RAP1A: variants seen among roughly 807,000 people sequenced by gnomAD.
The protein encoded by RAP1A is RAP1A, member of RAS oncogene family, also known as ras-related protein Rap-1A.
A neutral mutation model predicts 26.4 loss-of-function variants in RAP1A; 6 were observed. The ratio of observed to expected loss-of-function variants is 0.23; its 90% CI spans 0.12 to 0.45. The LOEUF (loss-of-function observed/expected upper bound fraction) is 0.45, where lower values mean the gene tolerates loss of function less well. Ranked by LOEUF, RAP1A falls within the 20% of genes least tolerant of loss-of-function variation. RAP1A has a pLI of 0.99. For synonymous variants in RAP1A, 73 were observed against 79.4 expected (o/e 0.92, Z 0.43); for missense variants, 121 against 217.2 (o/e 0.56, Z 2.78).
intron 1 of RAP1A, among the ~76,000 whole-genome samples, chr1:111,562,175 T>G (rs1657767628): frequency 6.6e-6 from 1 of 152,176 alleles, no homozygotes; most frequent in Non-Finnish European, 1.5e-5. Flanking sequence ...TTAGCTATTC[T>G]TCAGATACGC....
intron 4 of RAP1A, among the ~76,000 whole-genome samples, chr1:111,700,651 C>T (rs1661991934): frequency 6.6e-6 from 1 of 152,166 alleles, no homozygotes; most frequent in Non-Finnish European, 1.5e-5. Context: ...CTAACTGCCT[C>T]TTCAATATCT....
chr1:111,632,638 T>A (rs559155327), intron 1 of RAP1A, among the ~76,000 whole-genome samples: 1 of 151,800 alleles, frequency 6.6e-6, no homozygotes, highest in African/African-American at 2.4e-5. Context: ...TACGGCCAGG[T>A]GTGGTGGCTC....
intron 1 of RAP1A, among the ~76,000 whole-genome samples, chr1:111,654,854 A>G (rs542716439): frequency 2.0e-5 from 3 of 151,190 alleles, no homozygotes; most frequent in Non-Finnish European, 4.4e-5. Context: ...ACATAAAATT[A>G]TTAGCCTTCT....
chr1:111,577,401 CAAAAAAAAAA>C (rs56156855), intron 1 of RAP1A, among the ~76,000 whole-genome samples: 3 of 29,040 alleles, frequency 1.0e-4, no homozygotes, highest in Admixed American at 6.2e-4. Context: ...GACTCCATCG[CAAAAAAAAAA>C]AAAAAAAAAA....
chr1:111,696,296 T>A (rs888496203), intron 3 of RAP1A, among the ~76,000 whole-genome samples: 4 of 152,208 alleles, frequency 2.6e-5, no homozygotes, highest in African/African-American at 9.7e-5. Flanking sequence ...TGAAGACATT[T>A]TTAGAATTTA....
intron 5 of RAP1A, among the ~76,000 whole-genome samples, chr1:111,703,677 T>C (rs1040120927): frequency 1.2e-4 from 18 of 152,270 alleles, no homozygotes; most frequent in African/African-American, 4.1e-4. Context: ...TGAGGACATA[T>C]GTGATAAAGT....
chr1:111,670,732 A>G (rs1428917993), intron 1 of RAP1A, among the ~76,000 whole-genome samples: 5 of 152,206 alleles, frequency 3.3e-5, no homozygotes, highest in African/African-American at 1.2e-4. Context: ...ATCCGAATGA[A>G]AAAGGAGATA....
chr1:111,693,897 CTT>C (rs11431985), intron 2 of RAP1A, among the ~76,000 whole-genome samples: 1 of 145,542 alleles, frequency 6.9e-6, no homozygotes. Flanking sequence ...ATTAGACTGC[CTT>C]TTTTTTTTTT....
At chr1:111,557,837 T>C (rs1657564783) in intron 1 of RAP1A, among the ~76,000 whole-genome samples, 1 of 152,156 alleles carries the variant, frequency 6.6e-6, no homozygotes, top group Non-Finnish European at 1.5e-5. Flanking sequence ...AGTGACAGCA[T>C]AAAAATTGGG....
At chr1:111,569,814 C>CT (rs1658012185) in intron 1 of RAP1A, among the ~76,000 whole-genome samples, 1 of 152,050 alleles carries the variant, frequency 6.6e-6, no homozygotes, top group Non-Finnish European at 1.5e-5. Flanking sequence ...ATTAGAATCT[C>CT]CCACTTTTTA....
chr1:111,590,699 G>A (rs1044872169), intron 1 of RAP1A, among the ~76,000 whole-genome samples: 1 of 151,920 alleles, frequency 6.6e-6, no homozygotes, highest in African/African-American at 2.4e-5. Context: ...GGGATTACAG[G>A]TGTGAGCCAC....
intron 1 of RAP1A, among the ~76,000 whole-genome samples, chr1:111,575,948 A>G (rs553701817): frequency 6.6e-6 from 1 of 152,332 alleles, no homozygotes; most frequent in Admixed American, 6.5e-5. Flanking sequence ...AAAAATATAT[A>G]ATACACACAA....
At chr1:111,663,554 T>G (rs189063051) in intron 1 of RAP1A, among the ~76,000 whole-genome samples, 137 of 152,354 alleles carry the variant, frequency 9.0e-4, no homozygotes, top group African/African-American at 3.1e-3. Flanking sequence ...TAATTTGGTG[T>G]TCACAGCAAC....
chr1:111,567,375 C>T (rs1314413359), intron 1 of RAP1A, among the ~76,000 whole-genome samples: 1 of 152,174 alleles, frequency 6.6e-6, no homozygotes, highest in Non-Finnish European at 1.5e-5. Flanking sequence ...AAGCTGGAAA[C>T]TTTGTCAGCT....
intron 1 of RAP1A, among the ~76,000 whole-genome samples, chr1:111,566,677 A>C (rs1160998894): frequency 1.3e-5 from 2 of 152,160 alleles, no homozygotes; most frequent in African/African-American, 2.4e-5. Context: ...CTTTGATCAG[A>C]TGATGGTTAA....
intron 7 of RAP1A, among the ~76,000 whole-genome samples, chr1:111,710,280 A>T (rs1433794321): frequency 6.6e-6 from 1 of 152,138 alleles, no homozygotes; most frequent in South Asian, 2.1e-4. Flanking sequence ...GTATTAGTTG[A>T]CTTTACCATT....
chr1:111,543,361 C>A (rs967125711), intron 1 of RAP1A, among the ~76,000 whole-genome samples: 2 of 152,026 alleles, frequency 1.3e-5, no homozygotes, highest in Non-Finnish European at 2.9e-5. Context: ...CAGGGAGATT[C>A]GCTGCCAAAA....
intron 1 of RAP1A, among the ~76,000 whole-genome samples, chr1:111,553,217 G>A (rs1657341795): frequency 6.6e-6 from 1 of 152,190 alleles, no homozygotes; most frequent in South Asian, 2.1e-4. Context: ...TAATAAAAAT[G>A]TCTTTCTCCA....
At chr1:111,693,283 G>T (rs1254647213) in intron 2 of RAP1A, among the ~76,000 whole-genome samples, 1 of 152,170 alleles carries the variant, frequency 6.6e-6, no homozygotes, top group East Asian at 1.9e-4. Flanking sequence ...TGAGGAAATG[G>T]AATATAGACA....
Sources: gnomAD v4.1 joint callset for allele counts (sites outside exome capture counted in the v4.1 genomes callset) on GRCh38, gnomAD v4.1.1 for gene constraint, MANE v1.5 for transcripts, NCBI Gene and HGNC (gene_info 2026-07-23, HGNC 2026-07-21) for gene names.